Variants in GRIA2 observed in about 807,000 individuals in gnomAD.
GRIA2 encodes glutamate receptor 2.
GRIA2 carries 14 observed loss-of-function variants against 97.3 expected under a neutral mutation model. That is an observed-to-expected ratio of 0.14 (90% confidence interval 0.10 to 0.23). The LOEUF (loss-of-function observed/expected upper bound fraction) is 0.23, where lower values mean the gene tolerates loss of function less well. Among genes scored for constraint, GRIA2 ranks in the 10% least tolerant of loss-of-function variants. The pLI is 1.00. For missense variants in GRIA2, 558 were observed against 1,069.8 expected, an observed-to-expected ratio of 0.52 and a Z score of 6.67; for synonymous variants, 412 against 387.8, an observed-to-expected ratio of 1.06 and a Z score of -0.73.
At chr4:157,285,277 T>G (rs2126822680) in intron 2 of GRIA2, among the ~76,000 whole-genome samples, 1 of 151,730 alleles carries the variant, frequency 6.6e-6, no homozygotes, top group South Asian at 2.1e-4. Flanking sequence ...ACGTACTGAT[T>G]CATAGTTCTT....
At chr4:157,288,439 T>G (rs1732947305) in intron 2 of GRIA2, among the ~76,000 whole-genome samples, 1 of 151,714 alleles carries the variant, frequency 6.6e-6, no homozygotes, top group African/African-American at 2.4e-5. Flanking sequence ...GGAACATCGC[T>G]GTGGCAGTGT....
chr4:157,228,958 G>A (rs1289789300), intron 2 of GRIA2, among the ~76,000 whole-genome samples: 1 of 145,928 alleles, frequency 6.9e-6, no homozygotes, highest in Non-Finnish European at 1.5e-5. Context: ...GGTTTTAGAT[G>A]TTCCAAAAAT....
intron 2 of GRIA2, among the ~76,000 whole-genome samples, chr4:157,299,690 T>C (rs1258923584): frequency 6.6e-6 from 1 of 152,124 alleles, no homozygotes; most frequent in African/African-American, 2.4e-5. Flanking sequence ...AAAAGTGAAA[T>C]AATCAGCAAA....
chr4:157,264,876 C>A (rs1282417649), intron 2 of GRIA2, among the ~76,000 whole-genome samples: 1 of 151,964 alleles, frequency 6.6e-6, no homozygotes, highest in Non-Finnish European at 1.5e-5. Context: ...CATAAATACA[C>A]ACACGCTCTC....
intron 2 of GRIA2, among the ~76,000 whole-genome samples, chr4:157,302,495 C>CT (rs1424876486): frequency 1.3e-5 from 2 of 152,106 alleles, no homozygotes; most frequent in Non-Finnish European, 2.9e-5. Context: ...AATGTAGCAT[C>CT]TATCTCCTAT....
At chr4:157,342,474 G>C in intron 12 of GRIA2, 1 of 983,628 alleles carries the variant, frequency 1.0e-6, no homozygotes, top group Non-Finnish European at 1.2e-6. Context: ...GAATTAATTA[G>C]GTACCTCAAT....
At chr4:157,238,399 G>A (rs1296920021) in intron 2 of GRIA2, among the ~76,000 whole-genome samples, 2 of 152,062 alleles carry the variant, frequency 1.3e-5, no homozygotes, top group Non-Finnish European at 2.9e-5. Context: ...CTTTCCATGA[G>A]CATTAAAGTG....
At chr4:157,254,130 C>G (rs1026263139) in intron 2 of GRIA2, among the ~76,000 whole-genome samples, 6 of 151,276 alleles carry the variant, frequency 4.0e-5, no homozygotes, top group Non-Finnish European at 8.8e-5. Context: ...TGATTATACT[C>G]TAAGGATAAA....
intron 3 of GRIA2, among the ~76,000 whole-genome samples, chr4:157,304,064 T>A (rs1322427794): frequency 6.6e-6 from 1 of 152,166 alleles, no homozygotes; most frequent in Non-Finnish European, 1.5e-5. Context: ...TAAAAAGCAA[T>A]TTTTTGCATC....
At chr4:157,277,838 A>ATATATG (rs1553951548) in intron 2 of GRIA2, among the ~76,000 whole-genome samples, 2 of 142,418 alleles carry the variant, frequency 1.4e-5, no homozygotes, top group African/African-American at 5.1e-5. Context: ...ATATATGTAT[A>ATATATG]TATATATGTA....
intron 3 of GRIA2, among the ~76,000 whole-genome samples, chr4:157,304,838 A>G (rs891643041): frequency 1.3e-5 from 2 of 152,120 alleles, no homozygotes; most frequent in Admixed American, 6.6e-5. Context: ...GTTTGTAGTC[A>G]TTTACTGCAG....
At chr4:157,336,203 G>A (rs41280507) in intron 10 of GRIA2, among the ~76,000 whole-genome samples, 174 bp from the exon 11 acceptor site, 3,205 of 152,084 alleles carry the variant, frequency 0.021, 47 homozygotes, top group South Asian at 0.03. Context: ...ATAAAGAGGA[G>A]GGGCATTCGG....
chr4:157,328,084 CTT>C (rs530816053), intron 6 of GRIA2, among the ~76,000 whole-genome samples: 10 of 152,014 alleles, frequency 6.6e-5, no homozygotes, highest in African/African-American at 2.2e-4. Flanking sequence ...CTGAAATAAA[CTT>C]ATAAATTTTA....
At chr4:157,236,099 C>T (rs1008202733) in intron 2 of GRIA2, among the ~76,000 whole-genome samples, 9 of 151,820 alleles carry the variant, frequency 5.9e-5, no homozygotes, top group Non-Finnish European at 7.4e-5. Context: ...TAACATGTAA[C>T]AAAAATTATC....
chr4:157,225,522 C>A (rs1489306059), intron 2 of GRIA2, among the ~76,000 whole-genome samples: 1 of 151,824 alleles, frequency 6.6e-6, no homozygotes, highest in African/African-American at 2.4e-5. Context: ...ACAGTTGAAA[C>A]CAGGGATGGG....
intron 2 of GRIA2, among the ~76,000 whole-genome samples, chr4:157,280,803 C>G (rs575086461): frequency 6.6e-6 from 1 of 152,060 alleles, no homozygotes; most frequent in South Asian, 2.1e-4. Context: ...TAACTTGAAT[C>G]AAGGAGGGAA....
chr4:157,245,870 A>T, intron 2 of GRIA2, among the ~76,000 whole-genome samples: 1 of 152,166 alleles, frequency 6.6e-6, no homozygotes, highest in East Asian at 1.9e-4. Flanking sequence ...AGAACTTCGT[A>T]TACTTAACAG....
intron 2 of GRIA2, chr4:157,249,535 A>C (rs547975719): frequency 6.6e-6 from 1 of 152,282 alleles, no homozygotes; most frequent in South Asian, 2.1e-4. Context: ...CAAAGGTGAC[A>C]CAGTTATTTA....
At chr4:157,254,935 A>C (rs139709346) in intron 2 of GRIA2, among the ~76,000 whole-genome samples, 15 of 152,148 alleles carry the variant, frequency 9.9e-5, no homozygotes, top group Non-Finnish European at 1.3e-4. Context: ...TAGTTTTAAA[A>C]TGTTTGTATA....
Sources: gnomAD v4.1 joint callset for allele counts (sites outside exome capture counted in the v4.1 genomes callset) on GRCh38, gnomAD v4.1.1 for gene constraint, MANE v1.5 for transcripts, NCBI Gene and HGNC (gene_info 2026-07-23, HGNC 2026-07-21) for gene names.